ANKRD16: variants seen among roughly 807,000 people sequenced by gnomAD.
ANKRD16 encodes ankyrin repeat domain 16.
A neutral mutation model predicts 37.9 loss-of-function variants in ANKRD16; 35 were observed. The ratio of observed to expected loss-of-function variants is 0.92; its 90% CI spans 0.71 to 1.23. ANKRD16 has a LOEUF of 1.23. ANKRD16 is among the 50% of genes most tolerant of loss of function. The probability of loss-of-function intolerance (pLI) is 0.00; values close to 1 mark genes in which losing one functional copy is unlikely to be tolerated. For missense variants in ANKRD16, 480 were observed against 469.9 expected (o/e 1.02, Z -0.20); for synonymous variants, 206 against 197.2 (o/e 1.04, Z -0.37).
rs955884259 is a variant in ANKRD16 at position 5,864,979 on chromosome 10, G to A, written c.*34-2288C>T. ...ATCCAATCAGCCACAGATATCAGGA[G>A]AGAGCTCCAAAAGCGAGCCCTGGGC... On this transcript the variant is annotated intron_variant, in intron 7 of 7. Transcript: ENST00000380094. This position sits in a 1 kb window ranked among gnomAD's most constrained non-coding sequence, Gnocchi z 4.4. Among the ~76,000 whole-genome samples the A allele has an allele frequency of 3.9e-5, 6 of 152,280 alleles. No individual in the cohort carries two copies. In the South Asian group the frequency reaches 1.2e-3, roughly 32 times the overall value.
intron 2 of ANKRD16, 27 bp downstream of exon 2, chr10:5,887,820 G>A (rs74341195): frequency 0.027 from 43,422 of 1,600,130 alleles, 685 homozygotes; most frequent in Non-Finnish European, 0.032. Flanking sequence ...TGTGTGTACT[G>A]CTCACCTGCA....
At chr10:5,882,912 G>C (rs1842341264) in intron 5 of ANKRD16, 94 bp downstream of exon 5, 2 of 1,378,014 alleles carry the variant, frequency 1.5e-6, no homozygotes, top group South Asian at 2.7e-5. Context: ...CTTCCATAGA[G>C]ATGGGGTCAA....
At chr10:5,875,137 AG>A in intron 7 of ANKRD16, among the ~76,000 whole-genome samples, 1 of 152,264 alleles carries the variant, frequency 6.6e-6, no homozygotes, top group East Asian at 1.9e-4. Context: ...CTATGAGCTG[AG>A]GGTATCAAGT....
At chr10:5,888,802 C>A (rs1220126932) in intron 1 of ANKRD16, among the ~76,000 whole-genome samples, 1 of 152,194 alleles carries the variant, frequency 6.6e-6, no homozygotes, top group Admixed American at 6.5e-5. Flanking sequence ...ATTCCGTGCT[C>A]TAGAAAGGGA....
chr10:5,878,316 TA>T lies in ANKRD16; in HGVS notation c.929-30del, dbSNP rs1342371787. 3.7e-6 allele frequency: 6 copies of T among 1,601,476 alleles called. No homozygotes were observed. Among genetic ancestry groups the T allele is most frequent in the Non-Finnish European group, 5.1e-6 (6 of 1,173,332 alleles). ...AGGGGTGACAAAAATCACATGGACTTAAAACACAATCCCTGGAGCAATACTG... is the reference window on the plus strand; with the variant it reads ...AGGGGTGACAAAAATCACATGGACTTAAACACAATCCCTGGAGCAATACTG... On this transcript the variant is annotated intron_variant, in intron 6 of 7. Transcript: ENST00000380094. The surrounding 1 kb of genome is among the most constrained non-coding windows in gnomAD (Gnocchi z 5.1).
chr10:5,889,661 G>C lies in ANKRD16; in HGVS notation c.-307C>G, dbSNP rs1486542378. On this transcript the variant is annotated 5_prime_UTR_variant, in exon 1 of 8. Transcript: ENST00000380094. ...GGACGGAGCGGTCCGGGATGAGCACGGAGGGGCCTGGGGATCCGAGAGCGC... is the reference window on the plus strand; with the variant it reads ...GGACGGAGCGGTCCGGGATGAGCACCGAGGGGCCTGGGGATCCGAGAGCGC... The C allele has an allele frequency of 1.6e-5, 3 of 183,018 alleles. No homozygotes were observed. In the East Asian group the frequency reaches 4.4e-4, roughly 27 times the overall value. The allele number at this position is 183,018 out of a possible 1,614,324, so 11.3% of individuals were successfully genotyped here.
rs1564422242 is a variant in ANKRD16 at position 5,889,230 on chromosome 10, TGCAGGAGGGTATCCCCGGCCGGCCCCGG to T, written c.97_124del (p.Pro33ThrfsTer59). On this transcript the variant is annotated frameshift_variant, in exon 1 of 8. Transcript: ENST00000380094. LOFTEE classifies it high-confidence loss of function. Reference sequence around the variant, plus strand: ...CCGATGCCCGTGGCGCGCGGCGCAGTGCAGGAGGGTATCCCCGGCCGGCCCCGGGCAGCCCCCGGCCGCCTGCAGCTCC... The same window carrying T: ...CCGATGCCCGTGGCGCGCGGCGCAGTGCAGCCCCCGGCCGCCTGCAGCTCC... The T allele has an allele frequency of 2.6e-6, 4 of 1,566,474 alleles. No individual in the cohort carries two copies. Among genetic ancestry groups the T allele is most frequent in the Non-Finnish European group, 3.4e-6 (4 of 1,165,256 alleles).
rs575321315 is a variant in ANKRD16 at position 5,865,281 on chromosome 10, C to G, written c.*34-2590G>C. Reference sequence around the variant, plus strand: ...GCCCCCTCGCCCATGTCCACTATGCCGAGGCAATCACTGGAAGGTGCACTG... The same window carrying G: ...GCCCCCTCGCCCATGTCCACTATGCGGAGGCAATCACTGGAAGGTGCACTG... On this transcript the variant is annotated intron_variant, in intron 7 of 7. Transcript: ENST00000380094. This position sits in a 1 kb window ranked among gnomAD's most constrained non-coding sequence, Gnocchi z 4.7. Among the ~76,000 whole-genome samples the G allele has an allele frequency of 6.6e-6, 1 of 152,046 alleles. No individual in the cohort carries two copies. The highest frequency in any genetic ancestry group is 2.4e-5 in the African/African-American group (1 of 41,386).
In ANKRD16 at chr10:5,871,863, T is replaced by C. The variant is rs1314708774; in HGVS notation, c.*33+6234A>G. Among the ~76,000 whole-genome samples the C allele has an allele frequency of 5.3e-5, 8 of 152,154 alleles. 1 individual carries two copies. The highest frequency in any genetic ancestry group is 1.5e-5 in the Non-Finnish European group (1 of 68,026). The stretch of plus-strand genomic sequence containing the variant: ...AAAACTACTGTCCTGTCAAACTGCT[T>C]TCTTCTTTCCTTTCCTTCACCACAC... On this transcript the variant is annotated intron_variant, in intron 7 of 7. Transcript: ENST00000380094. This position sits in a 1 kb window ranked among gnomAD's most constrained non-coding sequence, Gnocchi z 4.5.
In ANKRD16 at chr10:5,868,581, C is replaced by T. The variant is rs1176976772; in HGVS notation, c.*34-5890G>A. Among the ~76,000 whole-genome samples the T allele has an allele frequency of 1.3e-5, 2 of 152,158 alleles. No homozygotes were observed. The highest frequency in any genetic ancestry group is 2.4e-5 in the African/African-American group (1 of 41,424). On this transcript the variant is annotated intron_variant, in intron 7 of 7. Coordinates refer to ENST00000380094, the MANE Select transcript of ANKRD16 (RefSeq NM_019046.3). The surrounding 1 kb of genome is among the most constrained non-coding windows in gnomAD (Gnocchi z 4.9). Reference sequence around the variant, plus strand: ...CCAATCAGCACTCTGTAAAATGGACCAATCAGCAGGATGTGGGTGGGGACA... The same window carrying T: ...CCAATCAGCACTCTGTAAAATGGACTAATCAGCAGGATGTGGGTGGGGACA...
At position 5,883,144 on chromosome 10, in the gene ANKRD16, G is replaced by T; in HGVS notation, c.711C>A (p.Ser237Arg). 6.2e-7 allele frequency: 1 copy of T among 1,613,820 alleles called. No individual in the cohort carries two copies. The highest frequency in any genetic ancestry group is 8.5e-7 in the Non-Finnish European group (1 of 1,179,994). The change falls in exon 5 of 8, where the codon AGC (serine) becomes AGA (arginine). Residue 237 changes from serine to arginine, a missense_variant. Transcript: ENST00000380094. ...CCCTGTGCAGAGCCTGGGCACCCAG[G>T]CTGTCTTCTGCTGAAAGGCAAGCCT... is the stretch of plus-strand genomic sequence containing the variant. ...EHGACLSAED[S>R]LGAQALHRAA... is the part of the protein sequence containing the mutation.
rs1432574894 is a variant in ANKRD16 at position 5,864,607 on chromosome 10, A to G, written c.*34-1916T>C. 6.6e-6 allele frequency among the ~76,000 whole-genome samples: 1 copy of G among 152,096 alleles called. No individual in the cohort carries two copies. The highest frequency in any genetic ancestry group is 1.5e-5 in the Non-Finnish European group (1 of 68,044). On this transcript the variant is annotated intron_variant, in intron 7 of 7. Transcript: ENST00000380094. The surrounding 1 kb of genome is among the most constrained non-coding windows in gnomAD (Gnocchi z 4.4). ...AATGCGGCTTTAGCTGCAGCCCGAG[A>G]GTTTGGAGATACCTGGAATCTTAGT...
chr10:5,867,983 C>T (rs768057239), intron 7 of ANKRD16, among the ~76,000 whole-genome samples: 18 of 152,118 alleles, frequency 1.2e-4, no homozygotes, highest in South Asian at 2.1e-4. Flanking sequence ...AGGGATAGTA[C>T]GAGATGCCGC....
At position 5,869,707 on chromosome 10, in the gene ANKRD16, G is replaced by C. The variant is rs1399710317; in HGVS notation, c.*34-7016C>G. Among the ~76,000 whole-genome samples the C allele has an allele frequency of 7.7e-6, 1 of 130,066 alleles. No homozygotes were observed. Among genetic ancestry groups the C allele is most frequent in the Non-Finnish European group, 1.6e-5 (1 of 64,352 alleles). 85.3% of individuals were successfully genotyped at this position (130,066 alleles called of 152,430 possible). A position where few individuals can be genotyped will look rare whatever the true frequency, so the allele number is the denominator to read the frequency against. ...GAGTATTTCTCCTCATGCACAAGAA[G>C]CTACTCAATGCAGCAGCTATGGCCG... is the stretch of plus-strand genomic sequence containing the variant. On this transcript the variant is annotated intron_variant, in intron 7 of 7. Transcript: ENST00000380094. This position sits in a 1 kb window ranked among gnomAD's most constrained non-coding sequence, Gnocchi z 4.0.
In ANKRD16 at chr10:5,872,007, C is replaced by T. The variant is rs557503149; in HGVS notation, c.*33+6090G>A. On this transcript the variant is annotated intron_variant, in intron 7 of 7. Transcript: ENST00000380094. ...ACAGCCGTTTCTGTCCCCAACCTGC[C>T]GCCCTTGCCTCCAGTTGAATTTGAC... is the stretch of plus-strand genomic sequence containing the variant. Among the ~76,000 whole-genome samples the T allele has an allele frequency of 9.9e-5, 15 of 152,200 alleles. No homozygotes were observed. In the East Asian group the frequency reaches 2.3e-3, roughly 23 times the overall value.
intron 7 of ANKRD16, among the ~76,000 whole-genome samples, chr10:5,873,696 C>T (rs1190904138): frequency 6.6e-6 from 1 of 152,170 alleles, no homozygotes; most frequent in Non-Finnish European, 1.5e-5. Flanking sequence ...GCTCCTCCCT[C>T]TTCTCACTGT....
Position 5,889,611 on chromosome 10 carries a change from C to T in ANKRD16, c.-257G>A. 4.6e-6 allele frequency: 1 copy of T among 219,400 alleles called. No individual in the cohort carries two copies. Among genetic ancestry groups the T allele is most frequent in the East Asian group, 1.1e-4 (1 of 9,136 alleles). The allele number at this position is 219,400 out of a possible 1,614,324, so 13.6% of individuals were successfully genotyped here. On this transcript the variant is annotated 5_prime_UTR_variant, in exon 1 of 8. Transcript: ENST00000380094. ...CCCCGCGTGGGAGAAGCCGCGGTTC[C>T]GGGCACGGGGCGGTTTTTCCTCAGG... is the stretch of plus-strand genomic sequence containing the variant.
intron 7 of ANKRD16, among the ~76,000 whole-genome samples, chr10:5,876,564 C>G (rs867992913): frequency 4.6e-5 from 7 of 152,218 alleles, no homozygotes; most frequent in Non-Finnish European, 7.3e-5. Flanking sequence ...CATCTCAAAT[C>G]AGTGCAGATG....
chr10:5,877,753 TATAAG>T lies in ANKRD16; in HGVS notation c.*33+339_*33+343del, dbSNP rs553393289. On this transcript the variant is annotated intron_variant, in intron 7 of 7. Coordinates refer to ENST00000380094, the MANE Select transcript of ANKRD16 (RefSeq NM_019046.3). ...CACAGCCTTACCATGCAGCAGTTAC[TATAAG>T]ATATTTCATATGTTTGTGAAAGTGT... is the stretch of plus-strand genomic sequence containing the variant. 1.6e-3 allele frequency among the ~76,000 whole-genome samples: 249 copies of T among 152,392 alleles called. 2 individuals are homozygous for T. The highest frequency in any genetic ancestry group is 5.2e-3 in the African/African-American group (217 of 41,594).
Sources: gnomAD v4.1 joint callset for allele counts (sites outside exome capture counted in the v4.1 genomes callset) on GRCh38, gnomAD v4.1.1 for gene constraint, Gnocchi (gnomAD v3.1) non-coding constraint, MANE v1.5 for transcripts, NCBI Gene and HGNC (gene_info 2026-07-23, HGNC 2026-07-21) for gene names.